Variants in LRMDA observed in about 807,000 individuals in gnomAD.
LRMDA encodes the protein leucine rich melanocyte differentiation associated, also known as leucine-rich melanocyte differentiation-associated protein.
LRMDA carries 18 observed loss-of-function variants against 29.8 expected under a neutral mutation model. The ratio of observed to expected loss-of-function variants is 0.60; its 90% confidence interval spans 0.42 to 0.90. LRMDA has a LOEUF of 0.90. Ranked by LOEUF, LRMDA falls within the 40% of genes least tolerant of loss-of-function variation. The pLI, the probability that LRMDA is intolerant of heterozygous loss-of-function variation, is 0.00. For missense variants in LRMDA, 273 were observed against 273.9 expected (o/e 1.00, Z 0.02); for synonymous variants, 125 against 109.4 (o/e 1.14, Z -0.89).
intron 2 of LRMDA, among the ~76,000 whole-genome samples, chr10:75,691,155 C>A (rs1387431706): frequency 1.1e-5 from 1 of 91,140 alleles, no homozygotes; most frequent in Non-Finnish European, 2.2e-5. Context: ...TATCTATATA[C>A]ATAGATATAT....
At chr10:76,240,210 CCA>C (rs1418695383) in intron 5 of LRMDA, among the ~76,000 whole-genome samples, 1 of 149,284 alleles carries the variant, frequency 6.7e-6, no homozygotes. Flanking sequence ...CACACACACA[CCA>C]CACACACACA....
At chr10:75,732,304 C>T (rs1477013838) in intron 2 of LRMDA, among the ~76,000 whole-genome samples, 1 of 152,100 alleles carries the variant, frequency 6.6e-6, no homozygotes, top group Non-Finnish European at 1.5e-5. Flanking sequence ...TCAATTGATG[C>T]GGAAGACCAA....
At chr10:76,474,257 C>T (rs981678607) in intron 6 of LRMDA, among the ~76,000 whole-genome samples, 2 of 151,588 alleles carry the variant, frequency 1.3e-5, no homozygotes, top group African/African-American at 2.4e-5. Flanking sequence ...AATATCACCA[C>T]TAAAAGCATA....
intron 2 of LRMDA, among the ~76,000 whole-genome samples, chr10:75,898,994 G>A (rs892613691): frequency 6.6e-6 from 1 of 152,150 alleles, no homozygotes; most frequent in Admixed American, 6.5e-5. Flanking sequence ...TTCCACACAG[G>A]TACATGCTCT....
chr10:75,620,994 C>CCATT (rs1589137506), intron 2 of LRMDA, among the ~76,000 whole-genome samples: 2 of 152,208 alleles, frequency 1.3e-5, no homozygotes, highest in East Asian at 3.9e-4. Context: ...ACCGCCTTCA[C>CCATT]CATTTCCCCC....
chr10:75,925,762 CCTGT>C (rs1378522435), intron 2 of LRMDA, among the ~76,000 whole-genome samples: 3 of 151,748 alleles, frequency 2.0e-5, no homozygotes, highest in African/African-American at 7.3e-5. Context: ...AGGTGATTCT[CCTGT>C]CTCAGTCTCC....
chr10:76,427,247 C>A (rs1211215613), intron 6 of LRMDA, among the ~76,000 whole-genome samples: 3 of 151,952 alleles, frequency 2.0e-5, no homozygotes, highest in Admixed American at 2.0e-4. Context: ...ATGGAATATT[C>A]TTCCATTTGT....
At chr10:75,925,440 A>G (rs1236135885) in intron 2 of LRMDA, among the ~76,000 whole-genome samples, 1 of 152,098 alleles carries the variant, frequency 6.6e-6, no homozygotes, top group Non-Finnish European at 1.5e-5. Context: ...ATGGCAGTTT[A>G]TTGTACAGAA....
chr10:76,441,017 G>A (rs1564542551), intron 6 of LRMDA, among the ~76,000 whole-genome samples: 3 of 152,064 alleles, frequency 2.0e-5, no homozygotes, highest in Non-Finnish European at 4.4e-5. Flanking sequence ...ACCAACCTAA[G>A]AATCTTTTCT....
intron 6 of LRMDA, among the ~76,000 whole-genome samples, chr10:76,379,311 C>T (rs1229347311): frequency 1.3e-5 from 2 of 151,898 alleles, no homozygotes; most frequent in African/African-American, 4.8e-5. Context: ...GGTGCCAGTT[C>T]CTAGAATGTG....
chr10:76,048,810 A>T (rs551244812), intron 4 of LRMDA, among the ~76,000 whole-genome samples: 1 of 152,190 alleles, frequency 6.6e-6, no homozygotes, highest in Admixed American at 6.5e-5. Flanking sequence ...TCACTTCTTC[A>T]TGTATTTCCA....
At chr10:76,137,861 G>A (rs1303366952) in intron 5 of LRMDA, among the ~76,000 whole-genome samples, 1 of 151,790 alleles carries the variant, frequency 6.6e-6, no homozygotes, top group Non-Finnish European at 1.5e-5. Context: ...GTCCCTTTAA[G>A]AGACTTGATC....
At chr10:76,105,466 A>G (rs577671932) in intron 5 of LRMDA, among the ~76,000 whole-genome samples, 3 of 152,158 alleles carry the variant, frequency 2.0e-5, no homozygotes, top group Non-Finnish European at 2.9e-5. Flanking sequence ...TAAGAAGTCC[A>G]AAATGAAATC....
At chr10:75,642,401 A>C (rs566411831) in intron 2 of LRMDA, 3 of 152,174 alleles carry the variant, frequency 2.0e-5, no homozygotes, top group Non-Finnish European at 4.4e-5. Context: ...GGGAGATGTG[A>C]TATAAGGGCC....
intron 5 of LRMDA, among the ~76,000 whole-genome samples, chr10:76,249,503 A>G (rs1852434750): frequency 6.6e-6 from 1 of 152,230 alleles, no homozygotes; most frequent in African/African-American, 2.4e-5. Flanking sequence ...ATCCACTCTT[A>G]TGGTATCAGA....
chr10:75,449,151 CAAAA>C (rs779723533), intron 2 of LRMDA, among the ~76,000 whole-genome samples: 4 of 50,272 alleles, frequency 8.0e-5, no homozygotes, highest in African/African-American at 1.4e-4. Context: ...GACTCCATCT[CAAAA>C]AAAAAAAAAA....
intron 2 of LRMDA, among the ~76,000 whole-genome samples, chr10:75,784,646 T>C (rs1464580904): frequency 6.9e-6 from 1 of 145,918 alleles, no homozygotes; most frequent in Non-Finnish European, 1.5e-5. Flanking sequence ...TTGCAGTGAG[T>C]GAGCAGAGAT....
At chr10:76,142,307 T>C (rs1850216897) in intron 5 of LRMDA, among the ~76,000 whole-genome samples, 1 of 152,162 alleles carries the variant, frequency 6.6e-6, no homozygotes, top group South Asian at 2.1e-4. Flanking sequence ...AAAAATGCAA[T>C]GAATGAACCA....
intron 5 of LRMDA, among the ~76,000 whole-genome samples, chr10:76,124,936 G>T (rs933921835): frequency 6.6e-5 from 10 of 152,268 alleles, no homozygotes; most frequent in African/African-American, 2.4e-4. Context: ...GCAGGGTTTG[G>T]GGGCCATACT....
Sources: allele counts gnomAD v4.1 joint callset (sites outside exome capture counted in the v4.1 genomes callset), GRCh38; gene constraint gnomAD v4.1.1; transcripts MANE v1.5; gene names NCBI Gene and HGNC (gene_info 2026-07-23, HGNC 2026-07-21).